The following LRRC4C variants were observed in gnomAD, a reference collection of about 807,000 sequenced individuals.
LRRC4C encodes the protein leucine rich repeat containing 4C.
In LRRC4C, 5 loss-of-function variants were observed where a neutral mutation model predicts 33.6. The observed-to-expected ratio is 0.15, with a 90% confidence interval of 0.08 to 0.31. The LOEUF (loss-of-function observed/expected upper bound fraction) is 0.31, where lower values mean the gene tolerates loss of function less well. Ranked by LOEUF, LRRC4C falls within the 10% of genes least tolerant of loss-of-function variation. The pLI is 1.00. For missense variants in LRRC4C, 560 were observed against 796.7 expected, an observed-to-expected ratio of 0.70 and a Z score of 3.58; for synonymous variants, 329 against 302.0, an observed-to-expected ratio of 1.09 and a Z score of -0.93.
chr11:41,354,984 A>G (rs1161267907), intron 1 of LRRC4C, among the ~76,000 whole-genome samples: 1 of 152,090 alleles, frequency 6.6e-6, no homozygotes, highest in Non-Finnish European at 1.5e-5. Context: ...CAACCGAAAC[A>G]AAAGTTGACA....
At chr11:40,844,945 C>T (rs2135685879) in intron 2 of LRRC4C, among the ~76,000 whole-genome samples, 1 of 151,456 alleles carries the variant, frequency 6.6e-6, no homozygotes, top group Non-Finnish European at 1.5e-5. Context: ...TCTTTTTGTC[C>T]TTTTTTTTAA....
At chr11:40,954,045 A>G (rs1958837906) in intron 1 of LRRC4C, among the ~76,000 whole-genome samples, 2 of 151,864 alleles carry the variant, frequency 1.3e-5, no homozygotes, top group South Asian at 4.1e-4. Context: ...AAAGCAGCAA[A>G]CTTTCATGTT....
At chr11:40,323,504 G>A (rs1259458023) in intron 3 of LRRC4C, among the ~76,000 whole-genome samples, 1 of 152,102 alleles carries the variant, frequency 6.6e-6, no homozygotes, top group African/African-American at 2.4e-5. Context: ...TTCATTGCCA[G>A]CCGATTTTCA....
chr11:40,151,073 T>A (rs1858166671), intron 5 of LRRC4C, among the ~76,000 whole-genome samples: 1 of 152,178 alleles, frequency 6.6e-6, no homozygotes, highest in South Asian at 2.1e-4. Context: ...CCCTAGCTAT[T>A]CTTAGGCCTT....
chr11:40,950,911 T>C (rs1958664794), intron 1 of LRRC4C, among the ~76,000 whole-genome samples: 1 of 151,954 alleles, frequency 6.6e-6, no homozygotes, highest in South Asian at 2.1e-4. Flanking sequence ...ATATGAATCT[T>C]GAGCATCTTT....
chr11:40,777,781 G>A lies in LRRC4C; in HGVS notation c.-406-129503C>T, dbSNP rs560374666. The stretch of plus-strand genomic sequence containing the variant: ...TGGCTCACTGCAAGCTCCGCCTCCC[G>A]AGTTCACGCCATTCTCCTGCCTCAG... On this transcript the variant is annotated intron_variant, in intron 2 of 6. Coordinates refer to ENST00000528697, the MANE Select transcript of LRRC4C (RefSeq NM_001258419.2). Among the ~76,000 whole-genome samples the A allele has an allele frequency of 4.2e-4, 64 of 151,678 alleles. No individual in the cohort carries two copies. In the East Asian group the frequency reaches 0.01, roughly 24 times the overall value.
chr11:40,181,724 A>G (rs1034573986), intron 5 of LRRC4C, among the ~76,000 whole-genome samples: 1 of 152,222 alleles, frequency 6.6e-6, no homozygotes, highest in Non-Finnish European at 1.5e-5. Flanking sequence ...TTCTTACCCA[A>G]CCATGAGGAG....
chr11:40,496,915 G>A (rs1052699470), intron 3 of LRRC4C, among the ~76,000 whole-genome samples: 1 of 152,160 alleles, frequency 6.6e-6, no homozygotes, highest in Non-Finnish European at 1.5e-5. Flanking sequence ...GAATGCTATG[G>A]AAAGTGATGG....
intron 1 of LRRC4C, among the ~76,000 whole-genome samples, chr11:41,176,031 T>C (rs532372329): frequency 9.8e-5 from 15 of 152,286 alleles, no homozygotes; most frequent in African/African-American, 3.4e-4. Flanking sequence ...ATAGAATATT[T>C]TTTTTTCAGT....
intron 6 of LRRC4C, among the ~76,000 whole-genome samples, chr11:40,131,236 A>T (rs141431930): frequency 1.7e-3 from 256 of 152,330 alleles, no homozygotes; most frequent in African/African-American, 5.9e-3. Context: ...TAAGACTTAT[A>T]TGTGAACCAA....
intron 5 of LRRC4C, among the ~76,000 whole-genome samples, chr11:40,207,501 C>T (rs1041372801): frequency 1.3e-5 from 2 of 152,082 alleles, no homozygotes; most frequent in African/African-American, 4.8e-5. Context: ...ACTCCAGAGG[C>T]TGAGGCAGGA....
At chr11:41,201,498 C>G (rs1946396932) in intron 1 of LRRC4C, among the ~76,000 whole-genome samples, 1 of 152,106 alleles carries the variant, frequency 6.6e-6, no homozygotes, top group Non-Finnish European at 1.5e-5. Context: ...GAAAAATAAA[C>G]TACTAGAACA....
chr11:40,800,744 T>C (rs1282417174), intron 2 of LRRC4C, among the ~76,000 whole-genome samples: 2 of 152,174 alleles, frequency 1.3e-5, no homozygotes, highest in African/African-American at 2.4e-5. Context: ...CTAGGCAGTG[T>C]ATTTTCTTCT....
At chr11:40,455,403 G>C (rs1012147533) in intron 3 of LRRC4C, among the ~76,000 whole-genome samples, 3 of 152,164 alleles carry the variant, frequency 2.0e-5, no homozygotes, top group African/African-American at 7.2e-5. Flanking sequence ...CCCAGAGGCA[G>C]GAAGCTAGGC....
intron 5 of LRRC4C, among the ~76,000 whole-genome samples, chr11:40,234,118 T>G (rs1865390869): frequency 6.6e-6 from 1 of 152,204 alleles, no homozygotes; most frequent in African/African-American, 2.4e-5. Context: ...GAAGCAGCTC[T>G]TTTTAACACC....
At chr11:40,667,519 T>C (rs760157621) in intron 2 of LRRC4C, among the ~76,000 whole-genome samples, 7 of 152,214 alleles carry the variant, frequency 4.6e-5, no homozygotes, top group African/African-American at 1.7e-4. Context: ...AGTAACAGGA[T>C]AGTCACTTTT....
intron 4 of LRRC4C, among the ~76,000 whole-genome samples, chr11:40,304,753 A>G (rs2136692807): frequency 6.7e-6 from 1 of 149,014 alleles, no homozygotes; most frequent in Admixed American, 6.7e-5. Context: ...TTTTTTTGAG[A>G]CAGAGTCTTG....
intron 2 of LRRC4C, among the ~76,000 whole-genome samples, chr11:40,694,936 G>A (rs906913572): frequency 4.0e-5 from 6 of 151,510 alleles, no homozygotes; most frequent in East Asian, 1.9e-4. Context: ...TTTTCCAGCC[G>A]TTTGTTTCTT....
intron 2 of LRRC4C, among the ~76,000 whole-genome samples, chr11:40,912,075 G>A (rs1390040178): frequency 6.6e-6 from 1 of 152,190 alleles, no homozygotes; most frequent in Non-Finnish European, 1.5e-5. Flanking sequence ...TCTGATTAGC[G>A]TACCTGAAAG....
Sources: allele counts gnomAD v4.1 joint callset (sites outside exome capture counted in the v4.1 genomes callset), GRCh38; gene constraint gnomAD v4.1.1; transcripts MANE v1.5; gene names NCBI Gene and HGNC (gene_info 2026-07-23, HGNC 2026-07-21).